Variants in GREM2 observed in about 807,000 individuals in gnomAD.
The protein encoded by GREM2 is gremlin-2.
GREM2 carries 11 observed loss-of-function variants against 14.2 expected under a neutral mutation model. That is an observed-to-expected ratio of 0.78 (90% CI 0.49 to 1.28). The LOEUF is 1.28. Ranked by LOEUF, GREM2 falls within the 50% of genes most tolerant of loss-of-function variation. GREM2 has a pLI of 0.00. For missense variants in GREM2, 210 were observed against 218.5 expected (o/e 0.96, Z 0.24); for synonymous variants, 98 against 97.6 (o/e 1.00, Z -0.02).
chr1:240,586,588 C>T (rs757668053), intron 1 of GREM2, among the ~76,000 whole-genome samples: 1 of 152,050 alleles, frequency 6.6e-6, no homozygotes, highest in Non-Finnish European at 1.5e-5. Flanking sequence ...GAAGAAGAGC[C>T]GAGGAGAGAC....
intron 1 of GREM2, among the ~76,000 whole-genome samples, chr1:240,509,249 C>A (rs904071849): frequency 6.6e-6 from 1 of 152,148 alleles, no homozygotes; most frequent in South Asian, 2.1e-4. Context: ...GCCCCTGCAC[C>A]GGGCCCAGTG....
At chr1:240,572,545 TC>T (rs1679280334) in intron 1 of GREM2, among the ~76,000 whole-genome samples, 1 of 152,176 alleles carries the variant, frequency 6.6e-6, no homozygotes, top group South Asian at 2.1e-4. Context: ...GGGAAAACAC[TC>T]CCTGTAACTA....
intron 1 of GREM2, 127 bp from the exon 2 acceptor site, chr1:240,493,603 T>A: frequency 1.8e-6 from 2 of 1,138,434 alleles, no homozygotes; most frequent in Non-Finnish European, 2.4e-6. Flanking sequence ...CAGGGGCACG[T>A]AGCTTGCTGC....
At chr1:240,586,040 A>G (rs1679594081) in intron 1 of GREM2, among the ~76,000 whole-genome samples, 1 of 151,938 alleles carries the variant, frequency 6.6e-6, no homozygotes. Context: ...AAAAAAAAAA[A>G]AGACAAAACT....
intron 1 of GREM2, among the ~76,000 whole-genome samples, chr1:240,584,603 G>C (rs1287585516): frequency 6.6e-6 from 1 of 152,044 alleles, no homozygotes; most frequent in Non-Finnish European, 1.5e-5. Context: ...CTAGCTACTT[G>C]GGAGGCTGGA....
intron 1 of GREM2, among the ~76,000 whole-genome samples, chr1:240,562,870 G>A (rs934672653): frequency 6.7e-6 from 1 of 150,264 alleles, no homozygotes; most frequent in Non-Finnish European, 1.5e-5. Flanking sequence ...GTGTATATGT[G>A]AGTGTGTATG....
intron 1 of GREM2, among the ~76,000 whole-genome samples, chr1:240,511,499 C>T (rs1572372692): frequency 6.6e-6 from 1 of 152,142 alleles, no homozygotes; most frequent in South Asian, 2.1e-4. Context: ...GCCTGTAATC[C>T]CAGCACTTTG....
chr1:240,521,565 C>T (rs553358412), intron 1 of GREM2, among the ~76,000 whole-genome samples: 1 of 151,372 alleles, frequency 6.6e-6, no homozygotes, highest in Admixed American at 6.6e-5. Context: ...TGTGAGACTC[C>T]GTCTCAAAAA....
At chr1:240,521,977 C>T (rs192713694) in intron 1 of GREM2, among the ~76,000 whole-genome samples, 232 of 150,772 alleles carry the variant, frequency 1.5e-3, no homozygotes, top group African/African-American at 5.2e-3. Flanking sequence ...TTAATTAGCT[C>T]GGCATGGTGG....
chr1:240,568,181 A>C (rs1342082409), intron 1 of GREM2, among the ~76,000 whole-genome samples: 4 of 152,200 alleles, frequency 2.6e-5, no homozygotes, highest in African/African-American at 9.6e-5. Context: ...GACAATAATC[A>C]CATAAATGCC....
chr1:240,602,451 C>T (rs973784513), intron 1 of GREM2, among the ~76,000 whole-genome samples: 3 of 152,076 alleles, frequency 2.0e-5, no homozygotes, highest in Admixed American at 2.0e-4. Flanking sequence ...ATTCACCAAA[C>T]ACTAAGCATT....
At chr1:240,609,728 G>A (rs1009399502) in intron 1 of GREM2, among the ~76,000 whole-genome samples, 1 of 152,176 alleles carries the variant, frequency 6.6e-6, no homozygotes, top group Non-Finnish European at 1.5e-5. Context: ...TTGAGTGCCT[G>A]TGCCTCTGCA....
chr1:240,513,939 A>G (rs1438261039), intron 1 of GREM2, among the ~76,000 whole-genome samples: 1 of 142,596 alleles, frequency 7.0e-6, no homozygotes, highest in Non-Finnish European at 1.5e-5. Flanking sequence ...AGAGACAGAA[A>G]TGGCTTTAAG....
intron 1 of GREM2, among the ~76,000 whole-genome samples, chr1:240,518,311 T>C (rs913027824): frequency 6.6e-6 from 1 of 152,200 alleles, no homozygotes; most frequent in Admixed American, 6.5e-5. Context: ...CTATATATTC[T>C]TGGAATAGAG....
intron 1 of GREM2, among the ~76,000 whole-genome samples, chr1:240,554,936 G>A (rs1005143208): frequency 1.3e-5 from 2 of 152,114 alleles, no homozygotes; most frequent in African/African-American, 2.4e-5. Flanking sequence ...CTGAGCTTAG[G>A]AGTTCGAGAC....
At chr1:240,504,222 G>C (rs954035024) in intron 1 of GREM2, among the ~76,000 whole-genome samples, 1 of 152,080 alleles carries the variant, frequency 6.6e-6, no homozygotes, top group African/African-American at 2.4e-5. Flanking sequence ...AATAATTTTT[G>C]CAGGTCCTCA....
Position 240,603,701 on chromosome 1 carries a change from T to C in GREM2, c.-2+8183A>G, listed in dbSNP as rs57354020. Among the ~76,000 whole-genome samples the C allele has an allele frequency of 3.7e-3, 557 of 152,270 alleles. 2 individuals are homozygous for C. The highest frequency in any genetic ancestry group is 0.013 in the African/African-American group (525 of 41,554). On this transcript the variant is annotated intron_variant, in intron 1 of 1. Coordinates refer to ENST00000318160, the MANE Select transcript of GREM2 (RefSeq NM_022469.4). ...CCTTAATGATTCCTTCTCAGAATAATGTTTTTAAATTCAAAAAGTATATAC... is the reference window on the plus strand; with the variant it reads ...CCTTAATGATTCCTTCTCAGAATAACGTTTTTAAATTCAAAAAGTATATAC...
At chr1:240,495,464 C>T (rs1009442147) in intron 1 of GREM2, among the ~76,000 whole-genome samples, 29 of 152,228 alleles carry the variant, frequency 1.9e-4, no homozygotes, top group South Asian at 4.1e-4. Flanking sequence ...GAATTTTTTA[C>T]GTCTTAAATA....
chr1:240,529,723 A>G (rs77239828), intron 1 of GREM2, among the ~76,000 whole-genome samples: 7 of 152,280 alleles, frequency 4.6e-5, no homozygotes, highest in African/African-American at 1.7e-4. Context: ...TATTAGTGCT[A>G]TAAGTTGCCC....
Sources: gnomAD v4.1 joint callset for allele counts (sites outside exome capture counted in the v4.1 genomes callset) on GRCh38, gnomAD v4.1.1 for gene constraint, MANE v1.5 for transcripts, NCBI Gene and HGNC (gene_info 2026-07-23, HGNC 2026-07-21) for gene names.